Variants in ST6GAL2 observed in about 807,000 individuals in gnomAD.
The protein encoded by ST6GAL2 is beta-galactoside alpha-2,6-sialyltransferase 2.
A neutral mutation model predicts 37.5 loss-of-function variants in ST6GAL2; 24 were observed. The ratio of observed to expected loss-of-function variants is 0.64; its 90% CI spans 0.46 to 0.90. The LOEUF (loss-of-function observed/expected upper bound fraction) is 0.90, where lower values mean the gene tolerates loss of function less well. ST6GAL2 is among the 40% of genes least tolerant of loss of function. The pLI is 0.00. For missense variants in ST6GAL2, 715 were observed against 712.7 expected (o/e 1.00, Z -0.04); for synonymous variants, 306 against 295.1 (o/e 1.04, Z -0.38).
intron 5 of ST6GAL2, among the ~76,000 whole-genome samples, chr2:106,823,878 T>C (rs1381682335): frequency 6.6e-6 from 1 of 152,186 alleles, no homozygotes; most frequent in Non-Finnish European, 1.5e-5. Flanking sequence ...CTGGGGTCTC[T>C]TTTATAAGGG....
intron 5 of ST6GAL2, among the ~76,000 whole-genome samples, chr2:106,808,506 G>T (rs1675498800): frequency 6.6e-6 from 1 of 152,150 alleles, no homozygotes; most frequent in Admixed American, 6.5e-5. Flanking sequence ...TTTCTCCCAG[G>T]TCCCTCTACC....
At chr2:106,830,422 C>T (rs34368675) in intron 4 of ST6GAL2, among the ~76,000 whole-genome samples, 182 bp from the exon 5 acceptor site, 22,343 of 152,110 alleles carry the variant, frequency 0.15, 2,296 homozygotes, top group East Asian at 0.49. Context: ...CAAAGACAGA[C>T]CAGGGCGCTA....
intron 4 of ST6GAL2, 89 bp from the exon 5 acceptor site, chr2:106,830,329 G>T: frequency 9.5e-7 from 1 of 1,056,592 alleles, no homozygotes; most frequent in Non-Finnish European, 1.4e-6. Flanking sequence ...AGGCAGAGGG[G>T]CCAGGCTGGG....
chr2:106,878,471 C>CA (rs1490506450), intron 1 of ST6GAL2, among the ~76,000 whole-genome samples: 1 of 151,938 alleles, frequency 6.6e-6, no homozygotes, highest in Non-Finnish European at 1.5e-5. Context: ...TTGTAAAAGA[C>CA]AAAGACCAGG....
chr2:106,818,970 C>T (rs1675902894), intron 5 of ST6GAL2, among the ~76,000 whole-genome samples: 1 of 152,042 alleles, frequency 6.6e-6, no homozygotes, highest in Non-Finnish European at 1.5e-5. Context: ...ATCAGGGTCT[C>T]TTAATAGCAA....
chr2:106,872,741 A>G (rs917986742), intron 1 of ST6GAL2, among the ~76,000 whole-genome samples: 1 of 152,092 alleles, frequency 6.6e-6, no homozygotes, highest in African/African-American at 2.4e-5. Context: ...AGCTGGGATT[A>G]CAGGCGCCCG....
intron 1 of ST6GAL2, among the ~76,000 whole-genome samples, chr2:106,847,461 C>T (rs1470333285): frequency 1.3e-5 from 2 of 152,230 alleles, no homozygotes; most frequent in East Asian, 3.8e-4. Flanking sequence ...GGGTGCACTG[C>T]AGTATAATTC....
chr2:106,830,329 G>A, intron 4 of ST6GAL2, 89 bp from the exon 5 acceptor site: 1 of 1,056,596 alleles, frequency 9.5e-7, no homozygotes, highest in Non-Finnish European at 1.4e-6. Flanking sequence ...AGGCAGAGGG[G>A]CCAGGCTGGG....
rs181344433 is a variant in ST6GAL2, at chr2:106,822,129, T to A, written c.1318+7937A>T. ...AGGATGCCCACTTTCATCACTGTTA[T>A]TCAACATAGCACTGAAAGTCCTAGC... On this transcript the variant is annotated intron_variant, in intron 5 of 5. Transcript: ENST00000409382. Among the ~76,000 whole-genome samples, 274 of 152,256 alleles carry A rather than the reference T, an allele frequency of 1.8e-3. No individual in the cohort carries two copies. The Middle Eastern group carries it at 0.037, about 21-fold the overall frequency.
chr2:106,886,820 G>T (rs1029647615), upstream of ST6GAL2, among the ~76,000 whole-genome samples: 3 of 151,898 alleles, frequency 2.0e-5, no homozygotes, highest in Non-Finnish European at 4.4e-5. Context: ...GAGCGCAGGC[G>T]GGGCGCTCCC....
At chr2:106,865,428 G>T (rs115177180) in intron 1 of ST6GAL2, among the ~76,000 whole-genome samples, 107 of 152,312 alleles carry the variant, frequency 7.0e-4, no homozygotes, top group African/African-American at 2.5e-3. Flanking sequence ...GTGTCTACGT[G>T]ATACTGACGT....
intron 5 of ST6GAL2, among the ~76,000 whole-genome samples, chr2:106,819,697 A>G (rs1675928387): frequency 6.6e-6 from 1 of 152,106 alleles, no homozygotes; most frequent in South Asian, 2.1e-4. Context: ...TATTAAGTAC[A>G]TAGAATATTA....
intron 1 of ST6GAL2, among the ~76,000 whole-genome samples, chr2:106,848,868 A>T (rs1677247260): frequency 6.6e-6 from 1 of 152,200 alleles, no homozygotes; most frequent in Admixed American, 6.5e-5. Context: ...AAATAATTAG[A>T]AAGACCAAGC....
chr2:106,835,423 C>A (rs1291972363), intron 2 of ST6GAL2, among the ~76,000 whole-genome samples: 1 of 152,162 alleles, frequency 6.6e-6, no homozygotes, highest in Non-Finnish European at 1.5e-5. Flanking sequence ...CCCACTAAAA[C>A]AATGTTTAAA....
At position 106,843,146 on chromosome 2, in the gene ST6GAL2, G is replaced by A; in HGVS notation, c.832C>T (p.Arg278Cys). Residue 278 changes from arginine (R) to cysteine (C), a missense_variant, in exon 2 of 6, where the codon CGC (arginine) becomes TGC (cysteine). By Grantham distance (180) the Arg-to-Cys change is radical (BLOSUM62 -3). This residue lies in a region of ST6GAL2 where 512 missense variants were observed against 488.8 expected (regional missense o/e 1.05). Coordinates refer to ENST00000409382, the MANE Select transcript of ST6GAL2 (RefSeq NM_001142351.2). The part of the protein sequence containing the change: ...EAPFSALGWR[R>C]LVPAVPLSQL... Reference sequence around the variant, plus strand: ...CTCAGGGGCACGGCGGGCACCAGGCGCCGCCAGCCCAGCGCAGAAAAGGGC... The same window carrying A: ...CTCAGGGGCACGGCGGGCACCAGGCACCGCCAGCCCAGCGCAGAAAAGGGC... 3.2e-6 allele frequency: 5 copies of A among 1,560,002 alleles called. No individual in the cohort carries two copies. The highest frequency in any genetic ancestry group is 2.0e-5 in the Admixed American group (1 of 50,674).
rs1371119885 is a variant in ST6GAL2 at position 106,805,150 on chromosome 2, A to G, written c.*1528T>C. The G allele has an allele frequency of 6.6e-6, 1 of 152,198 alleles. No individual in the cohort carries two copies. Among genetic ancestry groups the G allele is most frequent in the African/African-American group, 2.4e-5 (1 of 41,444 alleles). 9.4% of individuals were successfully genotyped at this position (152,198 alleles called of 1,614,324 possible). A position where few individuals can be genotyped will look rare whatever the true frequency, so the allele number is the denominator to read the frequency against. ...TGCTCAAGAAAGTAGTCCTGAGAAC[A>G]GTCTAGAAGAAACCAATCCTGAAAC... On this transcript the variant is annotated 3_prime_UTR_variant, in exon 6 of 6. Coordinates refer to ENST00000409382, the MANE Select transcript of ST6GAL2 (RefSeq NM_001142351.2).
At chr2:106,872,451 T>G (rs1207263506) in intron 1 of ST6GAL2, among the ~76,000 whole-genome samples, 1 of 152,208 alleles carries the variant, frequency 6.6e-6, no homozygotes, top group Non-Finnish European at 1.5e-5. Flanking sequence ...AAGTTGCTTA[T>G]GAAGGTGACT....
At chr2:106,879,734 A>G (rs28588715) in intron 1 of ST6GAL2, among the ~76,000 whole-genome samples, 103,126 of 146,782 alleles carry the variant, frequency 0.7, 38,499 homozygotes, top group East Asian at 0.97. Context: ...TATATAGACC[A>G]ATTATATATT....
At chr2:106,820,468 C>T (rs1386133932) in intron 5 of ST6GAL2, among the ~76,000 whole-genome samples, 1 of 151,996 alleles carries the variant, frequency 6.6e-6, no homozygotes, top group Non-Finnish European at 1.5e-5. Context: ...CACTGGAGAA[C>T]TCAGATCCAT....
Sources: allele counts gnomAD v4.1 joint callset (sites outside exome capture counted in the v4.1 genomes callset), GRCh38; gene constraint gnomAD v4.1.1; regional missense constraint gnomAD v4.1.1; transcripts MANE v1.5; gene names NCBI Gene and HGNC (gene_info 2026-07-23, HGNC 2026-07-21).